The following GPATCH2L variants were observed in gnomAD, a reference collection of about 807,000 sequenced individuals.
GPATCH2L encodes G-patch domain containing 2 like, also known as G patch domain-containing protein 2-like.
Under a neutral mutation model 57.4 loss-of-function variants are expected in GPATCH2L, and 31 were observed. The ratio of observed to expected loss-of-function variants is 0.54; its 90% confidence interval spans 0.41 to 0.73. GPATCH2L has a LOEUF of 0.73. GPATCH2L is among the 30% of genes least tolerant of loss of function. The pLI, the probability that GPATCH2L is intolerant of heterozygous loss-of-function variation, is 0.00. For synonymous variants in GPATCH2L, 199 were observed against 210.7 expected, an observed-to-expected ratio of 0.94 and a Z score of 0.48; for missense variants, 481 against 599.9, an observed-to-expected ratio of 0.80 and a Z score of 2.07.
intron 7 of GPATCH2L, 191 bp downstream of exon 7, chr14:76,178,233 G>T (rs1425308660): frequency 6.6e-7 from 1 of 1,507,912 alleles, no homozygotes; most frequent in East Asian, 2.5e-5. Context: ...TAAGAAAGCA[G>T]AATGAATCTG....
chr14:76,216,641 C>T (rs1456599348), downstream of GPATCH2L, among the ~76,000 whole-genome samples: 1 of 152,100 alleles, frequency 6.6e-6, no homozygotes, highest in Non-Finnish European at 1.5e-5. Context: ...TTTTATGGGA[C>T]CCCCACAATG....
chr14:76,230,586 A>C (rs1299471703), intron 2 of GPATCH2L, among the ~76,000 whole-genome samples: 1 of 152,192 alleles, frequency 6.6e-6, no homozygotes, highest in Non-Finnish European at 1.5e-5. Flanking sequence ...ACAAACAAGA[A>C]TTTGTGTAAA....
chr14:76,219,372 T>A (rs1780410126), intron 1 of GPATCH2L, among the ~76,000 whole-genome samples: 1 of 152,184 alleles, frequency 6.6e-6, no homozygotes, highest in South Asian at 2.1e-4. Context: ...TAGAAGTTTT[T>A]CACCTACCAA....
At chr14:76,218,544 C>T (rs1363128703), downstream of GPATCH2L, among the ~76,000 whole-genome samples, 1 of 151,888 alleles carries the variant, frequency 6.6e-6, no homozygotes, top group Non-Finnish European at 1.5e-5. Flanking sequence ...GGAAGATACA[C>T]CACGTTCTCT....
Position 76,154,360 on chromosome 14 carries a change from C to G in GPATCH2L, c.-4C>G. The G allele has an allele frequency of 6.4e-7, 1 of 1,569,204 alleles. No homozygotes were observed. The highest frequency in any genetic ancestry group is 8.7e-7 in the Non-Finnish European group (1 of 1,152,144). ...CTAAACTTCCTTTTGGCAGATGTGG[C>G]CTCATGGATGAGCTGGTACACGACT... On this transcript the variant is annotated 5_prime_UTR_variant, in exon 2 of 10. Coordinates refer to ENST00000261530, the MANE Select transcript of GPATCH2L (RefSeq NM_017926.4). This position sits in a 1 kb window ranked among gnomAD's most constrained non-coding sequence, Gnocchi z 4.4.
rs1364195811 is a variant in GPATCH2L at position 76,202,575 on chromosome 14, T to G, written c.*724T>G. ...CACACACACACACAGATTGGTATAA[T>G]GGAGAAGATGGTTTAGGTGTACAGC... On this transcript the variant is annotated 3_prime_UTR_variant, in exon 10 of 10. Coordinates refer to ENST00000261530, the MANE Select transcript of GPATCH2L (RefSeq NM_017926.4). 1 of 143,964 alleles carries G rather than the reference T, an allele frequency of 6.9e-6. No individual in the cohort carries two copies. Among genetic ancestry groups the G allele is most frequent in the African/African-American group, 2.7e-5 (1 of 37,168 alleles). 8.9% of individuals were successfully genotyped at this position (143,964 alleles called of 1,614,324 possible). A position where few individuals can be genotyped will look rare whatever the true frequency, so the allele number is the denominator to read the frequency against.
rs114997334 is a variant in GPATCH2L at position 76,198,825 on chromosome 14, C to T, written c.1288+2853C>T. On this transcript the variant is annotated intron_variant, in intron 9 of 9. Coordinates refer to ENST00000261530, the MANE Select transcript of GPATCH2L (RefSeq NM_017926.4). ...GTTTTGTTCACTACTGTACCCCTAG[C>T]ATCTAAATGAATACCTAGCCCATAG... Among the ~76,000 whole-genome samples the T allele has an allele frequency of 4.7e-3, 710 of 152,282 alleles. 6 individuals carry two copies. Among genetic ancestry groups the T allele is most frequent in the African/African-American group, 0.016 (678 of 41,560 alleles).
intron 2 of GPATCH2L, among the ~76,000 whole-genome samples, chr14:76,162,433 T>A (rs914947434): frequency 6.6e-6 from 1 of 152,156 alleles, no homozygotes; most frequent in Non-Finnish European, 1.5e-5. Context: ...ATTGCAGAAG[T>A]GGCAACCTAT....
In GPATCH2L at chr14:76,208,939, G is replaced by C. The variant is rs1595006067; in HGVS notation, c.*7088G>C. 6.6e-6 allele frequency: 1 copy of C among 152,146 alleles called. No individual in the cohort carries two copies. Among genetic ancestry groups the C allele is most frequent in the Admixed American group, 6.6e-5 (1 of 15,266 alleles). The allele number at this position is 152,146 out of a possible 1,614,324, so 9.4% of individuals were successfully genotyped here. ...ACCAGTTAAATCAGCATGGGGAGGTGGGGATGGGTTTCAGTCTTTAAAAAG... is the reference window on the plus strand; with the variant it reads ...ACCAGTTAAATCAGCATGGGGAGGTCGGGATGGGTTTCAGTCTTTAAAAAG... On this transcript the variant is annotated 3_prime_UTR_variant, in exon 10 of 10. Transcript: ENST00000261530.
intron 2 of GPATCH2L, among the ~76,000 whole-genome samples, chr14:76,235,167 T>C (rs1462057742): frequency 6.6e-5 from 6 of 91,044 alleles, no homozygotes; most frequent in African/African-American, 2.9e-4. Context: ...AAACTCTGTC[T>C]CAAAAAAAAA....
rs1252480472 is a variant in GPATCH2L at position 76,207,850 on chromosome 14, T to A, written c.*5999T>A. 6.6e-6 allele frequency: 1 copy of A among 152,164 alleles called. No individual in the cohort carries two copies. Among genetic ancestry groups the A allele is most frequent in the Non-Finnish European group, 1.5e-5 (1 of 68,014 alleles). 9.4% of individuals were successfully genotyped at this position (152,164 alleles called of 1,614,324 possible). ...AACCATGGCCATTTTTTCTTCATAT[T>A]TTACCTTTATTAATTGGGCTGGGTC... On this transcript the variant is annotated 3_prime_UTR_variant, in exon 10 of 10. Transcript: ENST00000261530.
intron 8 of GPATCH2L, among the ~76,000 whole-genome samples, chr14:76,181,472 A>G (rs1259687077): frequency 6.6e-6 from 1 of 151,984 alleles, no homozygotes; most frequent in Non-Finnish European, 1.5e-5. Flanking sequence ...TCACAGTCTG[A>G]ATTGGATTTG....
At chr14:76,194,504 T>TGTGTGTGTGTGCAC in intron 8 of GPATCH2L, among the ~76,000 whole-genome samples, 1 of 152,208 alleles carries the variant, frequency 6.6e-6, no homozygotes, top group South Asian at 2.1e-4. Flanking sequence ...TGTGTGTGTG[T>TGTGTGTGTGTGCAC]GCACGCTCAT....
Position 76,202,536 on chromosome 14 carries a change from T to TACACACACACAC in GPATCH2L, c.*701_*712dup, listed in dbSNP as rs34957782. On this transcript the variant is annotated 3_prime_UTR_variant, in exon 10 of 10. Transcript: ENST00000261530. ...GTTCTACTGAAAGAGGACGTGTGTA[T>TACACACACACAC]ACACACACACACACACACACACACA... 0.017 allele frequency: 2,252 copies of TACACACACACAC among 134,160 alleles called. 43 individuals are homozygous for TACACACACACAC. Among genetic ancestry groups the TACACACACACAC allele is most frequent in the African/African-American group, 0.045 (1,826 of 40,592 alleles). 8.3% of individuals were successfully genotyped at this position (134,160 alleles called of 1,614,324 possible).
At chr14:76,188,697 G>A (rs1488702114) in intron 8 of GPATCH2L, among the ~76,000 whole-genome samples, 1 of 151,886 alleles carries the variant, frequency 6.6e-6, no homozygotes, top group African/African-American at 2.4e-5. Flanking sequence ...TGTGCAGAAG[G>A]TTTTTAACTC....
chr14:76,194,105 C>T (rs1359754712), intron 8 of GPATCH2L, among the ~76,000 whole-genome samples: 1 of 152,132 alleles, frequency 6.6e-6, no homozygotes, highest in Non-Finnish European at 1.5e-5. Flanking sequence ...TCCTGTCTCC[C>T]TTTGATGTTG....
At position 76,203,915 on chromosome 14, in the gene GPATCH2L, T is replaced by C. The variant is rs1372780312; in HGVS notation, c.*2064T>C. The C allele has an allele frequency of 6.6e-6, 1 of 152,232 alleles. No homozygotes were observed. The highest frequency in any genetic ancestry group is 2.4e-5 in the African/African-American group (1 of 41,462). 9.4% of individuals were successfully genotyped at this position (152,232 alleles called of 1,614,324 possible). A position where few individuals can be genotyped will look rare whatever the true frequency, so the allele number is the denominator to read the frequency against. On this transcript the variant is annotated 3_prime_UTR_variant, in exon 10 of 10. Transcript: ENST00000261530. ...AGTGATTGGTCCCATGATCATGGCC[T>C]ATTAGTGAAAACCTCCAAAGGTCAG...
chr14:76,229,386 A>G (rs530181391), intron 1 of GPATCH2L, among the ~76,000 whole-genome samples: 2 of 152,350 alleles, frequency 1.3e-5, no homozygotes, highest in South Asian at 4.1e-4. Context: ...TGAGTTCACT[A>G]TAACTTTGCA....
At chr14:76,152,550 C>T in intron 1 of GPATCH2L, 3 of 416,408 alleles carry the variant, frequency 7.2e-6, no homozygotes, top group Non-Finnish European at 1.4e-5. Flanking sequence ...CCGTTCCTTC[C>T]TGTGCGTGAC....
Sources: allele counts gnomAD v4.1 joint callset (sites outside exome capture counted in the v4.1 genomes callset), GRCh38; gene constraint gnomAD v4.1.1; non-coding constraint Gnocchi (gnomAD v3.1); transcripts MANE v1.5; gene names NCBI Gene and HGNC (gene_info 2026-07-23, HGNC 2026-07-21).